Variants in SHROOM2 observed in about 807,000 individuals in gnomAD.
SHROOM2 encodes the protein shroom family member 2.
SHROOM2 carries 33 observed loss-of-function variants against 75.9 expected under a neutral mutation model. The ratio of observed to expected loss-of-function variants is 0.43; its 90% CI spans 0.33 to 0.58. The LOEUF is 0.58. Ranked by LOEUF, SHROOM2 falls within the 20% of genes least tolerant of loss-of-function variation. The pLI is 0.04. For synonymous variants in SHROOM2, 655 were observed against 663.6 expected (o/e 0.99, Z 0.20); for missense variants, 1,434 against 1,461.2 (o/e 0.98, Z 0.30).
intron 6 of SHROOM2, among the ~76,000 whole-genome samples, chrX:9,934,965 G>T (rs1211661393): frequency 9.0e-6 from 1 of 110,780 alleles, no homozygotes; most frequent in East Asian, 2.8e-4. Context: ...TAGAGACGGG[G>T]TTTCACCATG....
intron 1 of SHROOM2, among the ~76,000 whole-genome samples, chrX:9,837,569 G>A (rs914976105): frequency 8.9e-5 from 10 of 112,401 alleles, no homozygotes; most frequent in African/African-American, 2.6e-4. Context: ...CCCTGTTTTG[G>A]TGGCGGGGAG....
In SHROOM2 at chrX:9,895,789, C is replaced by T. The variant is rs2084325696; in HGVS notation, c.1881C>T (p.Ala627=). The part of the protein sequence containing the change: ...GKPTRRSDRF[A]TTLRNEIQMH... ...CCACCCGAAGAAGCGACCGCTTTGC[C>T]ACCACCCTGCGGAATGAGATCCAGA... Residue 627 remains alanine (A), a synonymous_variant, in exon 4 of 10, where the codon GCC becomes GCT. Coordinates refer to ENST00000380913, the MANE Select transcript of SHROOM2 (RefSeq NM_001649.4). The T allele has an allele frequency of 8.3e-7, 1 of 1,203,462 alleles. No homozygotes were observed. Among genetic ancestry groups the T allele is most frequent in the Non-Finnish European group, 1.1e-6 (1 of 891,186 alleles).
chrX:9,906,612 T>C (rs995016903), intron 5 of SHROOM2, among the ~76,000 whole-genome samples: 21 of 111,453 alleles, frequency 1.9e-4, no homozygotes, highest in African/African-American at 6.9e-4. Context: ...CTGGCCAACA[T>C]GGTGAAACCC....
intron 1 of SHROOM2, among the ~76,000 whole-genome samples, chrX:9,836,026 G>A (rs1895519189): frequency 8.9e-6 from 1 of 112,239 alleles, no homozygotes; most frequent in South Asian, 3.6e-4. Context: ...TCGCACCCCT[G>A]AGCACCTTTC....
In SHROOM2 at chrX:9,947,899, C is replaced by G. The variant is rs1366395306; in HGVS notation, c.*962C>G. 2.7e-5 allele frequency: 3 copies of G among 112,338 alleles called. No individual in the cohort carries two copies. The highest frequency in any genetic ancestry group is 3.8e-5 in the Non-Finnish European group (2 of 53,320). 9.3% of individuals were successfully genotyped at this position (112,338 alleles called of 1,213,427 possible). A position where few individuals can be genotyped will look rare whatever the true frequency, so the allele number is the denominator to read the frequency against. ...TCCATGGACGGGAAGACCCCTTCCT[C>G]TTCAGAGGTCCCGTGGACTACACAG... On this transcript the variant is annotated 3_prime_UTR_variant, in exon 10 of 10. Transcript: ENST00000380913.
chrX:9,914,994 C>T (rs1274291517), intron 5 of SHROOM2, among the ~76,000 whole-genome samples: 2 of 112,039 alleles, frequency 1.8e-5, no homozygotes, highest in Non-Finnish European at 3.8e-5. Flanking sequence ...GAGTGAAGTA[C>T]AGAAACCCGT....
At chrX:9,842,100 G>T (rs1406725444) in intron 1 of SHROOM2, among the ~76,000 whole-genome samples, 1 of 111,056 alleles carries the variant, frequency 9.0e-6, no homozygotes, top group Non-Finnish European at 1.9e-5. Context: ...ATGCTGTGTT[G>T]TATACTGTCT....
chrX:9,934,967 T>A (rs890562856), intron 6 of SHROOM2, among the ~76,000 whole-genome samples: 1 of 110,994 alleles, frequency 9.0e-6, no homozygotes, highest in Non-Finnish European at 1.9e-5. Context: ...GAGACGGGGT[T>A]TCACCATGTT....
At chrX:9,790,865 C>T (rs916725503) in intron 1 of SHROOM2, among the ~76,000 whole-genome samples, 10 of 110,861 alleles carry the variant, frequency 9.0e-5, no homozygotes, top group South Asian at 3.8e-4. Context: ...CCTTGTTCTC[C>T]GGCGATGTTT....
At chrX:9,818,098 A>T in intron 1 of SHROOM2, 1 of 119,634 alleles carries the variant, frequency 8.4e-6, no homozygotes, top group Non-Finnish European at 1.7e-5. Flanking sequence ...ATTACAGACC[A>T]CTCACAGTAA....
At chrX:9,833,608 C>CTGTGTGTG (rs144161839) in intron 1 of SHROOM2, among the ~76,000 whole-genome samples, 4,446 of 95,285 alleles carry the variant, frequency 0.047, 194 homozygotes, top group African/African-American at 0.13. Context: ...CAAGTAGACT[C>CTGTGTGTG]TGTGTGTGTG....
intron 2 of SHROOM2, among the ~76,000 whole-genome samples, chrX:9,880,567 C>T (rs1441355420): frequency 7.1e-5 from 8 of 112,523 alleles, no homozygotes; most frequent in Non-Finnish European, 1.9e-5. Context: ...GAGTAAATGT[C>T]GCCTCTTCTT....
intron 1 of SHROOM2, among the ~76,000 whole-genome samples, chrX:9,872,729 G>C (rs2084178046): frequency 8.9e-6 from 1 of 111,845 alleles, no homozygotes; most frequent in South Asian, 3.7e-4. Context: ...ACAAAAAACA[G>C]ATACGTGTTA....
In SHROOM2 at chrX:9,939,189, A is replaced by G. The variant is rs760868824; in HGVS notation, c.4140-6A>G. 2.5e-6 allele frequency: 3 copies of G among 1,198,225 alleles called. No individual in the cohort carries two copies. Among genetic ancestry groups the G allele is most frequent in the South Asian group, 1.8e-5 (1 of 54,473 alleles). On this transcript the variant is annotated splice_polypyrimidine_tract_variant and splice_region_variant and intron_variant, in intron 7 of 9. Coordinates refer to ENST00000380913, the MANE Select transcript of SHROOM2 (RefSeq NM_001649.4). Reference sequence around the variant, plus strand: ...AGCTCATTGAAGTTCCCACACCTTTACCCAGGAAAGAGGAGCCCAGCGTGC... The same window carrying G: ...AGCTCATTGAAGTTCCCACACCTTTGCCCAGGAAAGAGGAGCCCAGCGTGC...
chrX:9,850,852 AAAC>A (rs1452887763), intron 1 of SHROOM2, among the ~76,000 whole-genome samples: 1 of 93,136 alleles, frequency 1.1e-5, no homozygotes, highest in Non-Finnish European at 2.2e-5. Flanking sequence ...AAAAAAGAGA[AAAC>A]AAACAGAAAA....
chrX:9,913,076 G>GT (rs2084446654), intron 5 of SHROOM2: 1 of 112,555 alleles, frequency 8.9e-6, no homozygotes, highest in Non-Finnish European at 1.9e-5. Context: ...CTCCATGTGA[G>GT]TTCTGCAGAT....
chrX:9,943,347 C>T (rs2084788688), intron 8 of SHROOM2, among the ~76,000 whole-genome samples: 1 of 111,687 alleles, frequency 9.0e-6, no homozygotes, highest in African/African-American at 3.3e-5. Flanking sequence ...TTGACTTTTC[C>T]TGCCTAATGC....
At chrX:9,891,870 TGTG>T (rs1181785638) in intron 3 of SHROOM2, among the ~76,000 whole-genome samples, 1 of 64,112 alleles carries the variant, frequency 1.6e-5, no homozygotes, top group Non-Finnish European at 2.8e-5. Context: ...GCATGTTTGG[TGTG>T]TGTGTGTGTG....
At chrX:9,839,425 A>G (rs770871928) in intron 1 of SHROOM2, among the ~76,000 whole-genome samples, 16 of 111,358 alleles carry the variant, frequency 1.4e-4, no homozygotes, top group Non-Finnish European at 2.8e-4. Flanking sequence ...CTAAGGTCAG[A>G]GAGCTCCCGC....
Sources: allele counts gnomAD v4.1 joint callset (sites outside exome capture counted in the v4.1 genomes callset), GRCh38; gene constraint gnomAD v4.1.1; transcripts MANE v1.5; gene names NCBI Gene and HGNC (gene_info 2026-07-23, HGNC 2026-07-21).